RABL6: variants seen among roughly 807,000 people sequenced by gnomAD.
RABL6 encodes the protein RAB, member RAS oncogene family like 6, also known as rab-like protein 6.
A neutral mutation model predicts 72.9 loss-of-function variants in RABL6; 28 were observed. The observed-to-expected ratio is 0.38, with a 90% CI of 0.28 to 0.53. The LOEUF (loss-of-function observed/expected upper bound fraction) is 0.53. Among genes scored for constraint, RABL6 ranks in the 20% least tolerant of loss-of-function variants. The pLI, the probability that RABL6 is intolerant of heterozygous loss-of-function variation, is 0.80. For missense variants in RABL6, 1,029 were observed against 1,008.4 expected (o/e 1.02, Z -0.28); for synonymous variants, 477 against 421.2 (o/e 1.13, Z -1.62).
intron 1 of RABL6, among the ~76,000 whole-genome samples, chr9:136,823,044 C>T (rs770434447): frequency 1.3e-5 from 2 of 150,058 alleles, no homozygotes; most frequent in African/African-American, 2.5e-5. Context: ...GCCGAGATAG[C>T]ACCACTGCAG....
At chr9:136,838,417 G>A (rs1848623568) in intron 10 of RABL6, among the ~76,000 whole-genome samples, 1 of 152,162 alleles carries the variant, frequency 6.6e-6, no homozygotes, top group Non-Finnish European at 1.5e-5. Context: ...GGGAGCTAGA[G>A]CCGCCTCCCC....
intron 1 of RABL6, among the ~76,000 whole-genome samples, chr9:136,822,668 T>A (rs923865825): frequency 1.3e-5 from 2 of 152,106 alleles, no homozygotes; most frequent in Non-Finnish European, 2.9e-5. Context: ...CATCACATTT[T>A]CAAAACAAGC....
chr9:136,810,502 T>A lies in RABL6; in HGVS notation c.130+2176T>A, dbSNP rs575981206. Among the ~76,000 whole-genome samples the A allele has an allele frequency of 1.9e-4, 29 of 152,346 alleles. 1 individual carries two copies. The South Asian group carries it at 3.9e-3, about 21-fold the overall frequency. ...TGCAATTTTAAAACTTTTGAGTTTC[T>A]GTGTTAGAATAGAAAGTTTCTAGTA... On this transcript the variant is annotated intron_variant, in intron 1 of 14. Coordinates refer to ENST00000311502, the MANE Select transcript of RABL6 (RefSeq NM_024718.5).
chr9:136,834,177 T>G, intron 7 of RABL6: 1 of 1,264,402 alleles, frequency 7.9e-7, no homozygotes, highest in Non-Finnish European at 9.9e-7. Flanking sequence ...CAGGCCTTCT[T>G]TATGTCACCT....
rs190700311 is a variant in RABL6, at chr9:136,840,383, G to A, written c.2051G>A (p.Gly684Asp). The A allele has an allele frequency of 5.1e-5, 80 of 1,553,526 alleles. No individual in the cohort carries two copies. In the African/African-American group the frequency reaches 9.4e-4, roughly 18 times the overall value. The change falls in exon 15 of 15, where the codon GGC (glycine) becomes GAC (aspartate). Residue 684 changes from glycine to aspartate, a missense_variant. Coordinates refer to ENST00000311502, the MANE Select transcript of RABL6 (RefSeq NM_024718.5). ...KHKKSKDKEE[G>D]KEERRRRQQR... ...AAGAAGAGCAAGGACAAGGAGGAGG[G>A]CAAGGAGGAGCGGCGACGGCGGCAG...
intron 7 of RABL6, chr9:136,834,130 T>A: frequency 7.6e-7 from 1 of 1,312,928 alleles, no homozygotes; most frequent in East Asian, 2.8e-5. Context: ...CCCTGTTTCC[T>A]CTTTGTCTTG....
intron 1 of RABL6, chr9:136,822,201 G>A: frequency 1.1e-6 from 1 of 874,156 alleles, no homozygotes; most frequent in Non-Finnish European, 1.5e-6. Context: ...ACCTGGGGGG[G>A]GCGTTGCGGG....
chr9:136,833,165 C>T (rs1848514869), intron 7 of RABL6: 1 of 197,404 alleles, frequency 5.1e-6, no homozygotes, highest in Non-Finnish European at 9.6e-6. Context: ...AACCTCCTCG[C>T]CCTGGGCTGC....
chr9:136,810,998 G>C (rs1177592086), intron 1 of RABL6, among the ~76,000 whole-genome samples: 1 of 152,254 alleles, frequency 6.6e-6, no homozygotes, highest in Non-Finnish European at 1.5e-5. Flanking sequence ...GCTCGGAGTT[G>C]CTAGTGGTCC....
intron 1 of RABL6, among the ~76,000 whole-genome samples, chr9:136,823,321 T>C (rs2247643): frequency 0.83 from 126,640 of 152,178 alleles, 53,162 homozygotes; most frequent in African/African-American, 0.95. Flanking sequence ...CTCTGTGTGC[T>C]GCCAGGTGTC....
At chr9:136,821,943 C>A (rs1160495619) in intron 1 of RABL6, 41 of 1,288,704 alleles carry the variant, frequency 3.2e-5, no homozygotes, top group African/African-American at 4.6e-5. Flanking sequence ...TTTGCCGCAG[C>A]GCTGGCCGGC....
rs775232630 is a variant in RABL6 at position 136,808,185 on chromosome 9, C to T, written c.-12C>T. The T allele has an allele frequency of 4.6e-6, 7 of 1,512,244 alleles. No homozygotes were observed. In the Admixed American group the frequency reaches 1.3e-4, roughly 28 times the overall value. The allele number at this position is 1,512,244 out of a possible 1,614,324, so 93.7% of individuals were successfully genotyped here. A position where few individuals can be genotyped will look rare whatever the true frequency, so the allele number is the denominator to read the frequency against. ...GCCGGCCGCGCCCGGGCTGGGACGTCCGAGCGGGAAGATGTTTTCCGCCCT... is the reference window on the plus strand; with the variant it reads ...GCCGGCCGCGCCCGGGCTGGGACGTTCGAGCGGGAAGATGTTTTCCGCCCT... On this transcript the variant is annotated 5_prime_UTR_variant, in exon 1 of 15. Transcript: ENST00000311502.
intron 1 of RABL6, chr9:136,813,060 G>A (rs1036784269): frequency 4.3e-5 from 16 of 376,138 alleles, no homozygotes; most frequent in South Asian, 2.8e-4. Context: ...TGGGGCACCC[G>A]GTTTCCTGGT....
In RABL6 at chr9:136,808,171, C is replaced by T; in HGVS notation, c.-26C>T. On this transcript the variant is annotated 5_prime_UTR_variant, in exon 1 of 15. Coordinates refer to ENST00000311502, the MANE Select transcript of RABL6 (RefSeq NM_024718.5). ...CCGCCGCTGAGCTCGCCGGCCGCGC[C>T]CGGGCTGGGACGTCCGAGCGGGAAG... is the stretch of plus-strand genomic sequence containing the variant. The T allele has an allele frequency of 6.7e-7, 1 of 1,483,592 alleles. No homozygotes were observed. The highest frequency in any genetic ancestry group is 9.0e-7 in the Non-Finnish European group (1 of 1,114,810). The allele number at this position is 1,483,592 out of a possible 1,614,324, so 91.9% of individuals were successfully genotyped here. A position where few individuals can be genotyped will look rare whatever the true frequency, so the allele number is the denominator to read the frequency against.
At chr9:136,833,193 A>C (rs1330387220) in intron 7 of RABL6, 1 of 96,422 alleles carries the variant, frequency 1.0e-5, no homozygotes, top group South Asian at 7.3e-5. Flanking sequence ...GGGTCTGGGG[A>C]CCTGAACCTC....
At chr9:136,813,993 C>T (rs912884653) in intron 1 of RABL6, 7 of 397,806 alleles carry the variant, frequency 1.8e-5, no homozygotes, top group Admixed American at 3.4e-5. Flanking sequence ...TCACATCTTG[C>T]TCTTTCTTAC....
rs752454913 is a variant in RABL6, at chr9:136,840,513, G to GGAGCTCTAGGC, written c.2182_*2dup. 23 of 1,532,000 alleles carry GGAGCTCTAGGC rather than the reference G, an allele frequency of 1.5e-5. 1 individual carries two copies. The highest frequency in any genetic ancestry group is 6.1e-5 in the South Asian group (5 of 82,328). The allele number at this position is 1,532,000 out of a possible 1,614,324, so 94.9% of individuals were successfully genotyped here. ...GCCACCCTGGGGGTGGCGACTACGA[G>GGAGCTCTAGGC]GAGCTCTAGGCCGGCGTGGGCAGTG... On this transcript the variant is annotated stop_gained and frameshift_variant, in exon 15 of 15. Coordinates refer to ENST00000311502, the MANE Select transcript of RABL6 (RefSeq NM_024718.5). LOFTEE classifies it high-confidence loss of function.
chr9:136,813,158 G>C, intron 1 of RABL6: 1 of 462,644 alleles, frequency 2.2e-6, no homozygotes, highest in Non-Finnish European at 4.0e-6. Context: ...GACAGTTTTA[G>C]ATGGCTGGCT....
intron 1 of RABL6, among the ~76,000 whole-genome samples, chr9:136,815,805 G>A (rs778955730): frequency 5.9e-5 from 9 of 152,248 alleles, no homozygotes; most frequent in Non-Finnish European, 1.3e-4. Flanking sequence ...ATGTGAAGGA[G>A]TTAAATTGAA....
Sources: gnomAD v4.1 joint callset for allele counts (sites outside exome capture counted in the v4.1 genomes callset) on GRCh38, gnomAD v4.1.1 for gene constraint, MANE v1.5 for transcripts, NCBI Gene and HGNC (gene_info 2026-07-23, HGNC 2026-07-21) for gene names.